ETAA1: variants seen among roughly 807,000 people sequenced by gnomAD.
The protein encoded by ETAA1 is ewing's tumor-associated antigen 1.
In ETAA1, 49 loss-of-function variants were observed where a neutral mutation model predicts 76.8. The ratio of observed to expected loss-of-function variants is 0.64; its 90% CI spans 0.51 to 0.81. The LOEUF (loss-of-function observed/expected upper bound fraction) is 0.81, where lower values mean the gene tolerates loss of function less well. Ranked by LOEUF, ETAA1 falls within the 30% of genes least tolerant of loss-of-function variation. ETAA1 has a pLI of 0.00. For missense variants in ETAA1, 1,099 were observed against 1,074.0 expected (o/e 1.02, Z -0.32); for synonymous variants, 373 against 372.2 (o/e 1.00, Z -0.03).
chr2:67,403,624 A>G lies in ETAA1; in HGVS notation c.942A>G (p.Val314=), dbSNP rs1011847780. The change falls in exon 5 of 6, where the codon GTA becomes GTG. Residue 314 remains valine, a synonymous_variant. Transcript: ENST00000272342. ...AFWSTSNTTF[V]KTNALKEEKI... ...GGAGCACCAGTAATACTACCTTTGTAAAGACAAATGCTTTGAAAGAGGAGA... is the reference window on the plus strand; with the variant it reads ...GGAGCACCAGTAATACTACCTTTGTGAAGACAAATGCTTTGAAAGAGGAGA... The G allele has an allele frequency of 6.2e-7, 1 of 1,613,384 alleles. No homozygotes were observed. The highest frequency in any genetic ancestry group is 8.5e-7 in the Non-Finnish European group (1 of 1,179,450).
chr2:67,403,815 AT>A lies in ETAA1; in HGVS notation c.1137del (p.Phe379LeufsTer9). The A allele has an allele frequency of 6.2e-7, 1 of 1,613,348 alleles. No individual in the cohort carries two copies. The highest frequency in any genetic ancestry group is 1.7e-5 in the Admixed American group (1 of 59,976). ...TACATTGATGCATTTACTACAAGTG[AT>A]TTTGAGGATGATTGGGAAAACTTAC... ...NKYIDAFTTS[D>X]FEDDWENLLG... On this transcript the variant is annotated frameshift_variant, in exon 5 of 6. Coordinates refer to ENST00000272342, the MANE Select transcript of ETAA1 (RefSeq NM_019002.4). LOFTEE classifies it high-confidence loss of function.
intron 5 of ETAA1, among the ~76,000 whole-genome samples, chr2:67,409,673 A>G (rs956952725): frequency 2.0e-5 from 3 of 151,966 alleles, no homozygotes; most frequent in Non-Finnish European, 4.4e-5. Context: ...ACTGAATTTT[A>G]TCACACTGTG....
rs142511570 is a variant in ETAA1 at position 67,403,558 on chromosome 2, A to G, written c.876A>G (p.Lys292=). 6.2e-7 allele frequency: 1 copy of G among 1,613,510 alleles called. No individual in the cohort carries two copies. The highest frequency in any genetic ancestry group is 8.5e-7 in the Non-Finnish European group (1 of 1,179,484). ...FNAIFDGSTQ[K]CSGQLSQELP... ...CTATTTTTGATGGTTCTACTCAGAAATGTAGCGGACAGTTAAGCCAAGAAC... is the reference window on the plus strand; with the variant it reads ...CTATTTTTGATGGTTCTACTCAGAAGTGTAGCGGACAGTTAAGCCAAGAAC... The change falls in exon 5 of 6, where the codon AAA becomes AAG. Residue 292 remains lysine, a synonymous_variant. Transcript: ENST00000272342.
chr2:67,402,884 C>T lies in ETAA1; in HGVS notation c.452C>T (p.Ser151Phe). 6.3e-7 allele frequency: 1 copy of T among 1,592,834 alleles called. No homozygotes were observed. Among genetic ancestry groups the T allele is most frequent in the Non-Finnish European group, 8.5e-7 (1 of 1,170,418 alleles). Reference sequence around the variant, plus strand: ...AAGGATGAAAAACCAACAACAAATTCTATGCTGGACATGTGGATTGGTGAA... The same window carrying T: ...AAGGATGAAAAACCAACAACAAATTTTATGCTGGACATGTGGATTGGTGAA... The part of the protein sequence containing the change: ...APQDEKPTTN[S>F]MLDMWIGETA... Residue 151 changes from serine to phenylalanine, a missense_variant, in exon 4 of 6, where the codon TCT becomes TTT. This residue lies in a region of ETAA1 where 761 missense variants were observed against 731.9 expected (regional missense o/e 1.04). Transcript: ENST00000272342.
chr2:67,410,209 T>TAA lies in ETAA1; in HGVS notation c.*171_*172insAA. 1.6e-6 allele frequency: 1 copy of TAA among 634,084 alleles called. No individual in the cohort carries two copies. Among genetic ancestry groups the TAA allele is most frequent in the South Asian group, 2.3e-5 (1 of 44,104 alleles). 39.3% of individuals were successfully genotyped at this position (634,084 alleles called of 1,614,324 possible). A position where few individuals can be genotyped will look rare whatever the true frequency, so the allele number is the denominator to read the frequency against. On this transcript the variant is annotated 3_prime_UTR_variant, in exon 6 of 6. Transcript: ENST00000272342. ...TGCAATGGTAAATGAAACATTTCCT[T>TAA]GGACATGTATTTGAAAGTCATTAAA...
intron 1 of ETAA1, 69 bp downstream of exon 1, chr2:67,397,740 G>T (rs1434976354): frequency 3.5e-6 from 5 of 1,444,264 alleles, no homozygotes; most frequent in Non-Finnish European, 4.7e-6. Flanking sequence ...TTGCAACAGG[G>T]AAATCTGGGG....
intron 1 of ETAA1, 55 bp downstream of exon 1, chr2:67,397,726 C>T (rs997320419): frequency 3.3e-6 from 5 of 1,494,868 alleles, no homozygotes; most frequent in Non-Finnish European, 4.5e-6. Context: ...CCCCACATCC[C>T]AGCTTGCAAC....
rs964499965 is a variant in ETAA1 at position 67,411,530 on chromosome 2, A to G, written c.*1492A>G. The G allele has an allele frequency of 6.6e-6, 1 of 152,106 alleles. No homozygotes were observed. Among genetic ancestry groups the G allele is most frequent in the African/African-American group, 2.4e-5 (1 of 41,448 alleles). The allele number at this position is 152,106 out of a possible 1,614,324, so 9.4% of individuals were successfully genotyped here. On this transcript the variant is annotated 3_prime_UTR_variant, in exon 6 of 6. Transcript: ENST00000272342. ...CATCTGGCAATACGGCACACTGTAG[A>G]GTATCAGTTGAGCTGATGCCCAGCA...
chr2:67,410,267 A>C lies in ETAA1; in HGVS notation c.*229A>C. 1 of 463,690 alleles carries C rather than the reference A, an allele frequency of 2.2e-6. No homozygotes were observed. Among genetic ancestry groups the C allele is most frequent in the Non-Finnish European group, 3.8e-6 (1 of 264,992 alleles). 28.7% of individuals were successfully genotyped at this position (463,690 alleles called of 1,614,324 possible). ...GTTTTGGAAATTCAGGAAAGTTAGC[A>C]ATTATGTACGGATATTATACAGAGG... is the stretch of plus-strand genomic sequence containing the variant. On this transcript the variant is annotated 3_prime_UTR_variant, in exon 6 of 6. Coordinates refer to ENST00000272342, the MANE Select transcript of ETAA1 (RefSeq NM_019002.4).
rs1382715666 is a variant in ETAA1 at position 67,411,199 on chromosome 2, G to A, written c.*1161G>A. Reference sequence around the variant, plus strand: ...CTAGAGGGCGTAAGGCAGGGAGGATGCTTTATTCCTCTTAAATGGTTTTAG... The same window carrying A: ...CTAGAGGGCGTAAGGCAGGGAGGATACTTTATTCCTCTTAAATGGTTTTAG... On this transcript the variant is annotated 3_prime_UTR_variant, in exon 6 of 6. Coordinates refer to ENST00000272342, the MANE Select transcript of ETAA1 (RefSeq NM_019002.4). The A allele has an allele frequency of 6.6e-6, 1 of 151,926 alleles. No individual in the cohort carries two copies. The highest frequency in any genetic ancestry group is 1.5e-5 in the Non-Finnish European group (1 of 67,962). The allele number at this position is 151,926 out of a possible 1,614,324, so 9.4% of individuals were successfully genotyped here.
At position 67,404,875 on chromosome 2, in the gene ETAA1, A is replaced by G; in HGVS notation, c.2193A>G (p.Leu731=). The G allele has an allele frequency of 6.2e-7, 1 of 1,613,028 alleles. No individual in the cohort carries two copies. The highest frequency in any genetic ancestry group is 1.1e-5 in the South Asian group (1 of 91,044). ...TGTATGGAAATTCTCCAAGATTTTTAGGTGCCACAAATTTGACTATGTATT... is the reference window on the plus strand; with the variant it reads ...TGTATGGAAATTCTCCAAGATTTTTGGGTGCCACAAATTTGACTATGTATT... ...GEMYGNSPRF[L]GATNLTMYSK... The change falls in exon 5 of 6, where the codon TTA becomes TTG. Residue 731 remains leucine, a synonymous_variant. Coordinates refer to ENST00000272342, the MANE Select transcript of ETAA1 (RefSeq NM_019002.4).
In ETAA1 at chr2:67,404,403, G is replaced by A; in HGVS notation, c.1721G>A (p.Gly574Asp). 4 of 1,613,218 alleles carry A rather than the reference G, an allele frequency of 2.5e-6. No individual in the cohort carries two copies. The highest frequency in any genetic ancestry group is 3.4e-6 in the Non-Finnish European group (4 of 1,179,440). ...AATCAGACTAGTGCATCAAAAGTAG[G>A]TTCTTTCTTTGATGATTGGAATGAT... ...NPNQTSASKV[G>D]SFFDDWNDPS... The change falls in exon 5 of 6, where the codon GGT becomes GAT. Residue 574 changes from glycine (G) to aspartate (D), a missense_variant. This residue lies in a region of ETAA1 where 761 missense variants were observed against 731.9 expected (regional missense o/e 1.04). Transcript: ENST00000272342.
intron 5 of ETAA1, 93 bp downstream of exon 5, chr2:67,405,428 A>G: frequency 1.1e-6 from 1 of 933,954 alleles, no homozygotes; most frequent in South Asian, 2.2e-5. Context: ...GTAATGTATA[A>G]GGTAAAACTA....
intron 5 of ETAA1, among the ~76,000 whole-genome samples, chr2:67,407,838 A>C (rs1048141706): frequency 6.6e-6 from 1 of 152,052 alleles, no homozygotes; most frequent in Non-Finnish European, 1.5e-5. Context: ...TAGGCCGAGA[A>C]GGAAGAAGAG....
In ETAA1 at chr2:67,410,020, TC is replaced by T; in HGVS notation, c.2766del (p.Thr923LeufsTer17). 6.2e-7 allele frequency: 1 copy of T among 1,605,064 alleles called. No homozygotes were observed. The highest frequency in any genetic ancestry group is 8.5e-7 in the Non-Finnish European group (1 of 1,177,182). ...CACGAGCCTCATCTGTAAATGCAGC[TC>T]CCACTTCATTTCTTTAATGAAATAT... The part of the protein sequence containing the change: ...KARASSVNAA[P>X]TSFL On this transcript the variant is annotated frameshift_variant, in exon 6 of 6. Coordinates refer to ENST00000272342, the MANE Select transcript of ETAA1 (RefSeq NM_019002.4). LOFTEE classifies it high-confidence loss of function.
At chr2:67,403,157 T>C in intron 4 of ETAA1, 68 bp from the exon 5 acceptor site, 2 of 1,193,898 alleles carry the variant, frequency 1.7e-6, no homozygotes, top group Non-Finnish European at 2.3e-6. Flanking sequence ...AACATCAAAA[T>C]ATGTTAAATA....
chr2:67,409,705 A>T (rs17545245), intron 5 of ETAA1, among the ~76,000 whole-genome samples: 1 of 151,950 alleles, frequency 6.6e-6, no homozygotes, highest in Admixed American at 6.6e-5. Context: ...TCAAATAGAG[A>T]CAGATCCATC....
Position 67,401,179 on chromosome 2 carries a change from AT to A in ETAA1, c.429+1554del, listed in dbSNP as rs775294264. 6 of 152,216 alleles carry A rather than the reference AT, an allele frequency of 3.9e-5. No individual in the cohort carries two copies. The South Asian group carries it at 8.3e-4, about 21-fold the overall frequency. 9.4% of individuals were successfully genotyped at this position (152,216 alleles called of 1,614,324 possible). On this transcript the variant is annotated intron_variant, in intron 3 of 5. Transcript: ENST00000272342. The stretch of plus-strand genomic sequence containing the variant: ...GTGGTAACTTGTATAAAAGAAAAAA[AT>A]ATAGTGAAATTAGTAGCTTTAAAAT...
Position 67,411,621 on chromosome 2 carries a change from A to G in ETAA1, c.*1583A>G, listed in dbSNP as rs1203550147. 6.6e-6 allele frequency: 1 copy of G among 152,038 alleles called. No homozygotes were observed. Among genetic ancestry groups the G allele is most frequent in the Non-Finnish European group, 1.5e-5 (1 of 67,980 alleles). The allele number at this position is 152,038 out of a possible 1,614,324, so 9.4% of individuals were successfully genotyped here. ...AATCAAACTTTAAAGTATGGTTTCTATTGGACGCATATCACTTTTGCATCA... is the reference window on the plus strand; with the variant it reads ...AATCAAACTTTAAAGTATGGTTTCTGTTGGACGCATATCACTTTTGCATCA... On this transcript the variant is annotated 3_prime_UTR_variant, in exon 6 of 6. Coordinates refer to ENST00000272342, the MANE Select transcript of ETAA1 (RefSeq NM_019002.4).
Sources: allele counts gnomAD v4.1 joint callset (sites outside exome capture counted in the v4.1 genomes callset), GRCh38; gene constraint gnomAD v4.1.1; regional missense constraint gnomAD v4.1.1; transcripts MANE v1.5; gene names NCBI Gene and HGNC (gene_info 2026-07-23, HGNC 2026-07-21).